CHD1: variants seen among roughly 807,000 people sequenced by gnomAD.
CHD1 encodes chromodomain helicase DNA binding protein 1.
In CHD1, 36 loss-of-function variants were observed where a neutral mutation model predicts 224.2. That is an observed-to-expected ratio of 0.16 (90% CI 0.12 to 0.21). The LOEUF (loss-of-function observed/expected upper bound fraction) is 0.21. CHD1 is among the 10% of genes least tolerant of loss of function. The pLI, the probability that CHD1 is intolerant of heterozygous loss-of-function variation, is 1.00. For synonymous variants in CHD1, 668 were observed against 658.3 expected (o/e 1.01, Z -0.23); for missense variants, 1,378 against 1,994.8 (o/e 0.69, Z 5.89).
Position 98,868,649 on chromosome 5 carries a change from G to A in CHD1, c.4108-14C>T, listed in dbSNP as rs371685032. The A allele has an allele frequency of 3.3e-6, 5 of 1,522,712 alleles. No individual in the cohort carries two copies. The Admixed American group carries it at 1.1e-4, about 35-fold the overall frequency. The allele number at this position is 1,522,712 out of a possible 1,614,324, so 94.3% of individuals were successfully genotyped here. A position where few individuals can be genotyped will look rare whatever the true frequency, so the allele number is the denominator to read the frequency against. On this transcript the variant is annotated splice_polypyrimidine_tract_variant and intron_variant, in intron 30 of 35. Coordinates refer to ENST00000614616, the MANE Select transcript of CHD1 (RefSeq NM_001270.4). ...GGATTCACTCAACTAAAGAAAAAGT[G>A]AAAAGAAAACAAAAACAAAACCCCA... is the stretch of plus-strand genomic sequence containing the variant.
Position 98,900,969 on chromosome 5 carries a change from C to T in CHD1, c.701G>A (p.Arg234His), listed in dbSNP as rs868272266. 3.1e-6 allele frequency: 5 copies of T among 1,613,970 alleles called. No individual in the cohort carries two copies. Among genetic ancestry groups the T allele is most frequent in the Middle Eastern group, 1.6e-4 (1 of 6,062 alleles). ...DYDNDKRSSR[R>H]QATVNVSYKE... ...ATAGCTAACATTAACAGTTGCTTGG[C>T]GACGAGAACTTCTTTTATCATTATC... Residue 234 changes from arginine to histidine, a missense_variant, in exon 7 of 36, where the codon CGC (arginine) becomes CAC (histidine). Arg to His is a conservative substitution (Grantham distance 29, BLOSUM62 0). Transcript: ENST00000614616.
intron 2 of CHD1, among the ~76,000 whole-genome samples, chr5:98,910,773 T>C (rs1752338272): frequency 6.6e-6 from 1 of 152,094 alleles, no homozygotes; most frequent in Non-Finnish European, 1.5e-5. Context: ...GTGGACATAT[T>C]ATTCTTTGTG....
chr5:98,885,265 G>A (rs1050270213), intron 18 of CHD1, among the ~76,000 whole-genome samples: 3 of 152,070 alleles, frequency 2.0e-5, no homozygotes, highest in South Asian at 4.1e-4. Flanking sequence ...AGTGGCACGC[G>A]CCTGTAATCC....
intron 7 of CHD1, 116 bp from the exon 8 acceptor site, chr5:98,899,821 T>C: frequency 1.5e-6 from 1 of 672,290 alleles, no homozygotes; most frequent in Non-Finnish European, 2.5e-6. Flanking sequence ...AATAAAGTAT[T>C]GGGGGTATAG....
intron 13 of CHD1, among the ~76,000 whole-genome samples, chr5:98,894,097 C>T (rs1029747363): frequency 6.6e-6 from 1 of 152,192 alleles, no homozygotes; most frequent in African/African-American, 2.4e-5. Context: ...TGTGTTACCA[C>T]AGCCAAGTTC....
At chr5:98,906,252 T>C (rs1288477661) in intron 2 of CHD1, among the ~76,000 whole-genome samples, 15 of 152,162 alleles carry the variant, frequency 9.9e-5, no homozygotes, top group East Asian at 9.6e-4. Flanking sequence ...GTTGTATTCA[T>C]AGAAACAGTA....
chr5:98,863,439 T>A lies in CHD1; in HGVS notation c.4396A>T (p.Thr1466Ser). 2 of 1,587,056 alleles carry A rather than the reference T, an allele frequency of 1.3e-6. No homozygotes were observed. Among genetic ancestry groups the A allele is most frequent in the Non-Finnish European group, 1.7e-6 (2 of 1,167,856 alleles). The change falls in exon 32 of 36, where the codon ACA (threonine) becomes TCA (serine). Residue 1466 changes from threonine (T) to serine (S), a missense_variant. Transcript: ENST00000614616. Reference sequence around the variant, plus strand: ...CATTGCTTAATTTGTTCAGGATTTGTATACTCTTTTAGACATTCTGTGATA... The same window carrying A: ...CATTGCTTAATTTGTTCAGGATTTGAATACTCTTTTAGACATTCTGTGATA... ...DHITECLKEY[T>S]NPEQIKQWRK...
At chr5:98,884,570 G>A (rs905819866) in intron 18 of CHD1, among the ~76,000 whole-genome samples, 1 of 152,076 alleles carries the variant, frequency 6.6e-6, no homozygotes, top group African/African-American at 2.4e-5. Flanking sequence ...ATACTGCTCA[G>A]GTGAAGGGTG....
chr5:98,914,153 T>C (rs969795905), intron 2 of CHD1, among the ~76,000 whole-genome samples: 1 of 152,168 alleles, frequency 6.6e-6, no homozygotes, highest in Non-Finnish European at 1.5e-5. Context: ...TGATGTGTGA[T>C]TTCTACATCA....
chr5:98,916,416 A>T (rs891984067), intron 2 of CHD1, among the ~76,000 whole-genome samples: 3 of 151,254 alleles, frequency 2.0e-5, no homozygotes, highest in African/African-American at 7.3e-5. Context: ...GTGGTAGTGC[A>T]TGCCTGTAGT....
intron 22 of CHD1, among the ~76,000 whole-genome samples, chr5:98,880,770 A>C (rs957704657): frequency 6.6e-6 from 1 of 152,258 alleles, no homozygotes. Flanking sequence ...TGGAAATCTA[A>C]GTAAGAGATC....
At chr5:98,862,821 C>A (rs2112462411) in intron 32 of CHD1, among the ~76,000 whole-genome samples, 1 of 152,186 alleles carries the variant, frequency 6.6e-6, no homozygotes. Flanking sequence ...AGAGAAGTTG[C>A]CAGGCTTTCA....
chr5:98,877,029 G>A (rs543301096), intron 23 of CHD1, among the ~76,000 whole-genome samples: 10 of 152,158 alleles, frequency 6.6e-5, no homozygotes, highest in African/African-American at 2.2e-4. Flanking sequence ...TATTAGCCAG[G>A]TATTTTTGTA....
At chr5:98,882,897 G>A (rs1750297890) in intron 19 of CHD1, among the ~76,000 whole-genome samples, 191 bp downstream of exon 19, 1 of 152,068 alleles carries the variant, frequency 6.6e-6, no homozygotes, top group African/African-American at 2.4e-5. Context: ...TCCTATATAT[G>A]CATAGTTATC....
intron 15 of CHD1, among the ~76,000 whole-genome samples, chr5:98,890,730 T>C (rs559583113): frequency 6.6e-6 from 1 of 152,308 alleles, no homozygotes; most frequent in African/African-American, 2.4e-5. Context: ...AATTTGAATA[T>C]TATCAAGCAC....
intron 2 of CHD1, among the ~76,000 whole-genome samples, chr5:98,917,299 C>CAAAAAAAAAACAAA (rs1554081937): frequency 1.7e-5 from 2 of 119,852 alleles, no homozygotes; most frequent in Non-Finnish European, 1.6e-5. Context: ...AACAAAGAAA[C>CAAAAAAAAAACAAA]AAAAAAAAAA....
intron 5 of CHD1, among the ~76,000 whole-genome samples, chr5:98,901,554 C>T (rs974171417): frequency 2.0e-5 from 3 of 151,972 alleles, no homozygotes; most frequent in Admixed American, 6.6e-5. Flanking sequence ...CTTAGTTATA[C>T]GTCAGTGAAC....
chr5:98,928,301 G>GGCCGGGGCAGGGCC (rs1256304108), intron 1 of CHD1, among the ~76,000 whole-genome samples: 27 of 152,102 alleles, frequency 1.8e-4, no homozygotes, highest in Non-Finnish European at 1.3e-4. Flanking sequence ...AAGCCGAAGA[G>GGCCGGGGCAGGGCC]GCCGGGGCAG....
chr5:98,921,226 C>T (rs1314079104), intron 2 of CHD1, among the ~76,000 whole-genome samples: 1 of 152,190 alleles, frequency 6.6e-6, no homozygotes, highest in African/African-American at 2.4e-5. Flanking sequence ...GCTCAACAAT[C>T]ATCAGTTGCC....
Sources: allele counts gnomAD v4.1 joint callset (sites outside exome capture counted in the v4.1 genomes callset), GRCh38; gene constraint gnomAD v4.1.1; transcripts MANE v1.5; gene names NCBI Gene and HGNC (gene_info 2026-07-23, HGNC 2026-07-21).